Variants in FAM135A observed in about 807,000 individuals in gnomAD.
FAM135A encodes family with sequence similarity 135 member A.
A neutral mutation model predicts 146.8 loss-of-function variants in FAM135A; 79 were observed. The ratio of observed to expected loss-of-function variants is 0.54; its 90% CI spans 0.45 to 0.65. The LOEUF (loss-of-function observed/expected upper bound fraction) is 0.65. FAM135A is among the 30% of genes least tolerant of loss of function. The pLI, the probability that FAM135A is intolerant of heterozygous loss-of-function variation, is 0.00. For synonymous variants in FAM135A, 562 were observed against 603.6 expected (o/e 0.93, Z 1.01); for missense variants, 1,623 against 1,758.2 (o/e 0.92, Z 1.38).
intron 10 of FAM135A, among the ~76,000 whole-genome samples, chr6:70,484,567 A>G (rs1000232153): frequency 8.5e-5 from 13 of 152,142 alleles, no homozygotes; most frequent in Non-Finnish European, 1.6e-4. Context: ...GGGGGAAGTG[A>G]TTGTTTTGGG....
chr6:70,444,082 G>C (rs952015014), intron 4 of FAM135A, among the ~76,000 whole-genome samples: 2 of 152,048 alleles, frequency 1.3e-5, no homozygotes, highest in Non-Finnish European at 1.5e-5. Context: ...TTCATATTTT[G>C]TTTTTAAAAA....
chr6:70,457,571 CCTT>C (rs1209621326), intron 5 of FAM135A, among the ~76,000 whole-genome samples: 1 of 152,184 alleles, frequency 6.6e-6, no homozygotes, highest in Admixed American at 6.5e-5. Flanking sequence ...CTGCTCAGTC[CCTT>C]CTTTGTCTTT....
At chr6:70,548,361 C>T (rs1799220722) in intron 20 of FAM135A, among the ~76,000 whole-genome samples, 1 of 152,136 alleles carries the variant, frequency 6.6e-6, no homozygotes, top group African/African-American at 2.4e-5. Flanking sequence ...AAGTACAGTA[C>T]TGTCGTAAGA....
chr6:70,472,885 G>A (rs909068023), intron 5 of FAM135A, among the ~76,000 whole-genome samples: 1 of 152,126 alleles, frequency 6.6e-6, no homozygotes, highest in Non-Finnish European at 1.5e-5. Context: ...ATCCTATTAG[G>A]TGATACGTGG....
intron 1 of FAM135A, chr6:70,414,142 G>T: frequency 1.5e-6 from 1 of 663,596 alleles, no homozygotes; most frequent in Non-Finnish European, 1.9e-6. Context: ...GGGAAGCAGC[G>T]TATCTCTGTG....
At position 70,526,002 on chromosome 6, in the gene FAM135A, G is replaced by C. The variant is rs1048712878; in HGVS notation, c.2918G>C (p.Cys973Ser). 1.2e-6 allele frequency: 2 copies of C among 1,612,696 alleles called. No homozygotes were observed. Among genetic ancestry groups the C allele is most frequent in the Non-Finnish European group, 1.7e-6 (2 of 1,179,482 alleles). ...ATTACATTAAATTCAAAACTGATTT[G>C]TTTAGGCACTCCTTGTGTCATTTCA... ...TAITLNSKLI[C>S]LGTPCVISGS... The change falls in exon 15 of 22, where the codon TGT (cysteine) becomes TCT (serine). Residue 973 changes from cysteine (C) to serine (S), a missense_variant. By Grantham distance (112) the Cys-to-Ser change is moderately radical (BLOSUM62 -1). Coordinates refer to ENST00000418814, the MANE Select transcript of FAM135A (RefSeq NM_001162529.3).
At chr6:70,501,709 G>C (rs1788589434) in intron 11 of FAM135A, among the ~76,000 whole-genome samples, 1 of 152,202 alleles carries the variant, frequency 6.6e-6, no homozygotes, top group African/African-American at 2.4e-5. Flanking sequence ...CAGCCCTCAT[G>C]GCTTTGCTTG....
chr6:70,486,131 A>C (rs754665325), intron 10 of FAM135A: 1 of 1,585,722 alleles, frequency 6.3e-7, no homozygotes, highest in Non-Finnish European at 8.6e-7. Flanking sequence ...TGAAAGGAGT[A>C]TAGTAACTAG....
intron 6 of FAM135A, 42 bp from the exon 7 acceptor site, chr6:70,475,621 A>G (rs761440971): frequency 1.6e-5 from 25 of 1,589,380 alleles, no homozygotes; most frequent in Non-Finnish European, 2.1e-5. Flanking sequence ...CTAACTTTCT[A>G]TAAAATTTCA....
chr6:70,524,322 C>CT (rs1389848797), intron 14 of FAM135A, 21 bp from the exon 15 acceptor site: 3 of 1,461,760 alleles, frequency 2.1e-6, no homozygotes, highest in South Asian at 1.5e-5. Flanking sequence ...AAACCTGAAT[C>CT]TTTTTTTCTT....
At chr6:70,425,489 G>A (rs1758261145) in intron 2 of FAM135A, among the ~76,000 whole-genome samples, 1 of 152,196 alleles carries the variant, frequency 6.6e-6, no homozygotes, top group South Asian at 2.1e-4. Context: ...TAAAATAGCA[G>A]TTATGGGAGC....
chr6:70,436,417 C>T (rs760107722), intron 4 of FAM135A, among the ~76,000 whole-genome samples: 4 of 152,156 alleles, frequency 2.6e-5, no homozygotes, highest in Non-Finnish European at 1.5e-5. Context: ...CAACAGTTTA[C>T]GTCAGCTATC....
intron 4 of FAM135A, among the ~76,000 whole-genome samples, chr6:70,449,196 T>A (rs1470153113): frequency 6.6e-6 from 1 of 152,232 alleles, no homozygotes; most frequent in African/African-American, 2.4e-5. Context: ...TTTGGATGTA[T>A]GTATTAAATC....
At chr6:70,489,614 GGA>G (rs1336237879) in intron 10 of FAM135A, among the ~76,000 whole-genome samples, 1 of 152,140 alleles carries the variant, frequency 6.6e-6, no homozygotes, top group Non-Finnish European at 1.5e-5. Context: ...GCAAGCTTCT[GGA>G]GAGAGTGAGC....
chr6:70,521,611 A>T (rs542001808), intron 12 of FAM135A, among the ~76,000 whole-genome samples: 1 of 152,320 alleles, frequency 6.6e-6, no homozygotes, highest in Non-Finnish European at 1.5e-5. Context: ...AATTTGTTGG[A>T]CATTTAAAAC....
chr6:70,428,355 C>A lies in FAM135A; in HGVS notation c.13C>A (p.Gln5Lys). The change falls in exon 4 of 22, where the codon CAA (glutamine) becomes AAA (lysine). Residue 5 changes from glutamine (Q) to lysine (K), a missense_variant. Around this residue, in one of 7 missense-constraint regions of FAM135A, gnomAD observed 171 missense variants for 164.9 expected, o/e 1.04. Coordinates refer to ENST00000418814, the MANE Select transcript of FAM135A (RefSeq NM_001162529.3). ...GTATAAATTAAAAATGACTGAAGTT[C>A]AAGCAATGGTAGAATTCTCTGTGGA... MTEV[Q>K]AMVEFSVELN... 1.3e-6 allele frequency: 2 copies of A among 1,598,446 alleles called. No individual in the cohort carries two copies. Among genetic ancestry groups the A allele is most frequent in the South Asian group, 1.1e-5 (1 of 87,392 alleles).
intron 4 of FAM135A, among the ~76,000 whole-genome samples, chr6:70,435,173 G>T: frequency 6.8e-6 from 1 of 147,556 alleles, no homozygotes; most frequent in African/African-American, 2.5e-5. Context: ...GCGTGATCTT[G>T]GCTCACTGCA....
In FAM135A at chr6:70,524,537, G is replaced by A. The variant is rs1159938562; in HGVS notation, c.1453G>A (p.Glu485Lys). ...QLTKSLKGKNEESNKSKVKVT... is the reference protein window; with the variant it reads ...QLTKSLKGKNKESNKSKVKVT... ...AACAAAATCTCTAAAAGGAAAGAAT[G>A]AAGAATCAAATAAATCCAAAGTTAA... Residue 485 changes from glutamate (E) to lysine (K), a missense_variant, in exon 15 of 22, where the codon GAA (glutamate) becomes AAA (lysine). This residue lies in a region of FAM135A where 1,061 missense variants were observed against 1,113.8 expected (regional missense o/e 0.95). Transcript: ENST00000418814. 6.4e-7 allele frequency: 1 copy of A among 1,550,654 alleles called. No individual in the cohort carries two copies. Among genetic ancestry groups the A allele is most frequent in the Non-Finnish European group, 8.7e-7 (1 of 1,146,626 alleles).
intron 4 of FAM135A, among the ~76,000 whole-genome samples, chr6:70,448,788 A>G (rs2128006667): frequency 6.6e-6 from 1 of 152,268 alleles, no homozygotes; most frequent in East Asian, 1.9e-4. Context: ...GCCGAAATAA[A>G]TGGATGGGTT....
Sources: gnomAD v4.1 joint callset for allele counts (sites outside exome capture counted in the v4.1 genomes callset) on GRCh38, gnomAD v4.1.1 for gene constraint, gnomAD v4.1.1 regional missense constraint, MANE v1.5 for transcripts, NCBI Gene and HGNC (gene_info 2026-07-23, HGNC 2026-07-21) for gene names.